The following TMCO6 variants were observed in gnomAD, a reference collection of about 807,000 sequenced individuals.
TMCO6 encodes the protein transmembrane and coiled-coil domain-containing protein 6.
A neutral mutation model predicts 61.8 loss-of-function variants in TMCO6; 47 were observed. The ratio of observed to expected loss-of-function variants is 0.76; its 90% CI spans 0.60 to 0.97. The LOEUF (loss-of-function observed/expected upper bound fraction) is 0.97. Among genes scored for constraint, TMCO6 ranks in the 50% least tolerant of loss-of-function variants. The pLI is 0.00. For synonymous variants in TMCO6, 261 were observed against 254.2 expected (o/e 1.03, Z -0.25); for missense variants, 557 against 601.6 (o/e 0.93, Z 0.78).
the TMCO6 span, among the ~76,000 whole-genome samples, chr5:140,622,001 G>A: frequency 1.3e-5 from 2 of 152,018 alleles, no homozygotes; most frequent in Non-Finnish European, 2.9e-5. Flanking sequence ...ATTTCGTCTC[G>A]GTCCTTGTGG....
At chr5:140,608,349 G>C in the TMCO6 span, among the ~76,000 whole-genome samples, 1 of 151,980 alleles carries the variant, frequency 6.6e-6, no homozygotes, top group African/African-American at 2.4e-5. Flanking sequence ...TACTTGATTT[G>C]TTTGCCTTTT....
Position 140,642,981 on chromosome 5 carries a change from CA to C in TMCO6, c.749del (p.Lys250SerfsTer66), listed in dbSNP as rs757368543. On this transcript the variant is annotated frameshift_variant, in exon 7 of 12. Transcript: ENST00000394671. LOFTEE classifies it high-confidence loss of function. The part of the protein sequence containing the change: ...QHMLQMLQPG[P>X]KLNPGVAVEF... Reference sequence around the variant, plus strand: ...ATGCTACAAATGTTGCAACCTGGCCCAAAGCTCAACCCTGGGGTCGCTGTGG... The same window carrying C: ...ATGCTACAAATGTTGCAACCTGGCCCAAGCTCAACCCTGGGGTCGCTGTGG... 9 of 1,614,098 alleles carry C rather than the reference CA, an allele frequency of 5.6e-6. No homozygotes were observed. Among genetic ancestry groups the C allele is most frequent in the Admixed American group, 5.0e-5 (3 of 60,012 alleles).
the TMCO6 span, among the ~76,000 whole-genome samples, chr5:140,598,657 G>A: frequency 6.6e-6 from 1 of 152,160 alleles, no homozygotes; most frequent in Admixed American, 6.5e-5. Flanking sequence ...ATTCCTGGCC[G>A]GGTGCAGTGG....
At chr5:140,632,952 A>G in the TMCO6 span, 1 of 1,614,148 alleles carries the variant, frequency 6.2e-7, no homozygotes, top group East Asian at 2.2e-5. This position sits in a 1 kb window ranked among gnomAD's most constrained non-coding sequence, Gnocchi z 6.2. Context: ...CAGCGGCAGC[A>G]GCAGCAGCAA....
downstream of TMCO6, among the ~76,000 whole-genome samples, chr5:140,646,887 G>C (rs947661587): frequency 6.6e-6 from 1 of 152,180 alleles, no homozygotes; most frequent in Non-Finnish European, 1.5e-5. Flanking sequence ...ACTCAGCACA[G>C]GGCCCAGCTC....
rs764583740 is a variant in TMCO6, at chr5:140,644,637, G to A, written c.1265G>A (p.Gly422Glu). ...GCTTACTGCCAGCGGCTGTGGCCAGGGCCCCTGCTTCCCGCCTTGCTGCAC... is the reference window on the plus strand; with the variant it reads ...GCTTACTGCCAGCGGCTGTGGCCAGAGCCCCTGCTTCCCGCCTTGCTGCAC... The part of the protein sequence containing the change: ...GPAYCQRLWP[G>E]PLLPALLHTL... Residue 422 changes from glycine (G) to glutamate (E), a missense_variant, in exon 11 of 12, where the codon GGG becomes GAG. Gly to Glu is a moderately conservative substitution (Grantham distance 98). Transcript: ENST00000394671. 12 of 1,614,086 alleles carry A rather than the reference G, an allele frequency of 7.4e-6. No homozygotes were observed. Among genetic ancestry groups the A allele is most frequent in the Admixed American group, 1.7e-5 (1 of 60,004 alleles).
the TMCO6 span, among the ~76,000 whole-genome samples, chr5:140,600,269 G>C: frequency 2.6e-5 from 4 of 152,146 alleles, no homozygotes; most frequent in Non-Finnish European, 5.9e-5. Flanking sequence ...AGCAGTTATT[G>C]CTGGGTGGCA....
At chr5:140,598,750 A>G in the TMCO6 span, among the ~76,000 whole-genome samples, 1 of 152,178 alleles carries the variant, frequency 6.6e-6, no homozygotes, top group African/African-American at 2.4e-5. Context: ...CCTGGTCAAC[A>G]TGGTGAAACC....
In TMCO6 at chr5:140,642,907, C is replaced by T. The variant is rs201092508; in HGVS notation, c.690-18C>T. On this transcript the variant is annotated intron_variant, in intron 6 of 11. Coordinates refer to ENST00000394671, the MANE Select transcript of TMCO6 (RefSeq NM_018502.5). ...GCATCTTCGTGGTTCCTACTTACAG[C>T]CCTGCTTCTGCCAGCAGCTCCATCT... The T allele has an allele frequency of 1.9e-6, 3 of 1,614,120 alleles. No homozygotes were observed. The highest frequency in any genetic ancestry group is 3.3e-5 in the Admixed American group (2 of 60,010).
At chr5:140,632,457 C>T in the TMCO6 span, 1 of 1,614,220 alleles carries the variant, frequency 6.2e-7, no homozygotes, top group Admixed American at 1.7e-5. The surrounding 1 kb of genome is among the most constrained non-coding windows in gnomAD (Gnocchi z 6.2). Flanking sequence ...TTGGGCAATG[C>T]TCAGTACCTT....
chr5:140,615,133 ACT>A, the TMCO6 span, among the ~76,000 whole-genome samples: 1 of 152,220 alleles, frequency 6.6e-6, no homozygotes, highest in Non-Finnish European at 1.5e-5. Context: ...CTGAAAAATC[ACT>A]GTTTCTATAT....
At chr5:140,619,577 C>A in the TMCO6 span, among the ~76,000 whole-genome samples, 4 of 151,742 alleles carry the variant, frequency 2.6e-5, no homozygotes, top group Admixed American at 6.6e-5. Flanking sequence ...TGTATAAAAA[C>A]AAACACACAA....
chr5:140,622,000 C>T, the TMCO6 span, among the ~76,000 whole-genome samples: 2 of 152,198 alleles, frequency 1.3e-5, no homozygotes, highest in African/African-American at 2.4e-5. Context: ...AATTTCGTCT[C>T]GGTCCTTGTG....
chr5:140,604,338 G>A, the TMCO6 span, among the ~76,000 whole-genome samples: 1 of 151,974 alleles, frequency 6.6e-6, no homozygotes, highest in African/African-American at 2.4e-5. Flanking sequence ...AGGCTGCAGT[G>A]AGCTGTGATC....
Position 140,639,815 on chromosome 5 carries a change from A to C in TMCO6, c.162A>C (p.Gly54=). 1.2e-6 allele frequency: 2 copies of C among 1,609,894 alleles called. No individual in the cohort carries two copies. The highest frequency in any genetic ancestry group is 1.7e-6 in the Non-Finnish European group (2 of 1,178,688). Residue 54 remains glycine (G), a synonymous_variant, in exon 2 of 12, where the codon GGA becomes GGC. Coordinates refer to ENST00000394671, the MANE Select transcript of TMCO6 (RefSeq NM_018502.5). ...LLRNDAPEEA[G]EGCVAAILGE... The stretch of plus-strand genomic sequence containing the variant: ...GAAACGACGCCCCAGAGGAAGCTGG[A>C]GAGGGATGTGTGGCTGCGATCCTCG...
chr5:140,632,323 A>G, the TMCO6 span: 72 of 1,614,030 alleles, frequency 4.5e-5, 1 homozygote, highest in Non-Finnish European at 3.4e-6. The surrounding 1 kb of genome is among the most constrained non-coding windows in gnomAD (Gnocchi z 6.2). Flanking sequence ...ATGGCCGGGA[A>G]CTTGTGGGGA....
chr5:140,644,257 G>C, intron 10 of TMCO6, 63 bp downstream of exon 10: 1 of 1,540,250 alleles, frequency 6.5e-7, no homozygotes, highest in Non-Finnish European at 9.0e-7. Context: ...CAGCAGTCCT[G>C]AGCCCTCAGA....
intron 4 of TMCO6, 109 bp from the exon 5 acceptor site, chr5:140,642,206 G>GC: frequency 7.2e-7 from 1 of 1,388,610 alleles, no homozygotes; most frequent in Non-Finnish European, 9.9e-7. Flanking sequence ...CCTCTTGTGA[G>GC]CCGCAAGGAT....
chr5:140,635,805 G>C (rs1050159881), upstream of TMCO6, among the ~76,000 whole-genome samples: 1 of 152,212 alleles, frequency 6.6e-6, no homozygotes, highest in East Asian at 1.9e-4. Context: ...TCTGGAGAAA[G>C]GAACAGCCAG....
Sources: allele counts gnomAD v4.1 joint callset (sites outside exome capture counted in the v4.1 genomes callset), GRCh38; gene constraint gnomAD v4.1.1; non-coding constraint Gnocchi (gnomAD v3.1); transcripts MANE v1.5; gene names NCBI Gene and HGNC (gene_info 2026-07-23, HGNC 2026-07-21).